PIK3C3: variants seen among roughly 807,000 people sequenced by gnomAD.
The protein encoded by PIK3C3 is phosphatidylinositol 3-kinase catalytic subunit type 3, also known as PI3-kinase type 3.
A neutral mutation model predicts 126.1 loss-of-function variants in PIK3C3; 95 were observed. That is an observed-to-expected ratio of 0.75 (90% CI 0.64 to 0.89). PIK3C3 has a LOEUF of 0.89. Ranked by LOEUF, PIK3C3 falls within the 40% of genes least tolerant of loss-of-function variation. The pLI is 0.00. For missense variants in PIK3C3, 829 were observed against 1,063.2 expected, an observed-to-expected ratio of 0.78 and a Z score of 3.06; for synonymous variants, 374 against 360.0, an observed-to-expected ratio of 1.04 and a Z score of -0.44.
chr18:41,999,326 A>G (rs1055931916), intron 9 of PIK3C3, among the ~76,000 whole-genome samples: 10 of 152,298 alleles, frequency 6.6e-5, no homozygotes, highest in East Asian at 1.9e-4. Flanking sequence ...TGCTTTTACA[A>G]TGGACTTTTT....
At position 41,996,465 on chromosome 18, in the gene PIK3C3, G is replaced by A. The variant is rs1263725782; in HGVS notation, c.892-173G>A. On this transcript the variant is annotated intron_variant, in intron 8 of 24. Coordinates refer to ENST00000262039, the MANE Select transcript of PIK3C3 (RefSeq NM_002647.4). ...TTTCTTCTCCTTTAAACTGCATTTT[G>A]GACACATAATTATAACAAATTTAAG... is the stretch of plus-strand genomic sequence containing the variant. 2.0e-5 allele frequency among the ~76,000 whole-genome samples: 3 copies of A among 151,802 alleles called. No individual in the cohort carries two copies. The East Asian group carries it at 5.8e-4, about 29-fold the overall frequency.
intron 22 of PIK3C3, among the ~76,000 whole-genome samples, chr18:42,059,282 A>G (rs1279261350): frequency 6.6e-6 from 1 of 152,224 alleles, no homozygotes; most frequent in African/African-American, 2.4e-5. Context: ...TTTGGGTGGC[A>G]GAATGGCTCA....
chr18:41,962,411 C>T (rs1025495677), intron 2 of PIK3C3, 78 bp from the exon 3 acceptor site: 2 of 1,232,160 alleles, frequency 1.6e-6, no homozygotes, highest in Non-Finnish European at 2.1e-6. Flanking sequence ...CTGGCCAAAA[C>T]TTTTTGTGTG....
chr18:41,986,526 G>C (rs1981485305), intron 4 of PIK3C3, among the ~76,000 whole-genome samples: 1 of 152,058 alleles, frequency 6.6e-6, no homozygotes, highest in Non-Finnish European at 1.5e-5. Context: ...ATTGATGTGG[G>C]TTCAGAAAGG....
chr18:42,078,419 A>G (rs974946252), intron 24 of PIK3C3, among the ~76,000 whole-genome samples: 3 of 151,478 alleles, frequency 2.0e-5, no homozygotes, highest in Admixed American at 6.6e-5. Context: ...ATTTTCAGTA[A>G]ACCATATTAT....
At chr18:42,024,696 A>C (rs554037663) in intron 13 of PIK3C3, among the ~76,000 whole-genome samples, 5 of 152,040 alleles carry the variant, frequency 3.3e-5, no homozygotes, top group Admixed American at 3.3e-4. Flanking sequence ...CGGCCTCCCA[A>C]AGTGTTGGGA....
intron 4 of PIK3C3, among the ~76,000 whole-genome samples, chr18:41,979,299 GC>G (rs1981082283): frequency 6.6e-6 from 1 of 152,144 alleles, no homozygotes; most frequent in Non-Finnish European, 1.5e-5. Flanking sequence ...GGCAGAGATT[GC>G]CTTTGTGACC....
chr18:42,084,813 G>A lies in PIK3C3; in HGVS notation c.*3676G>A, dbSNP rs1214404472. On this transcript the variant is annotated 3_prime_UTR_variant, in exon 25 of 25. Coordinates refer to ENST00000262039, the MANE Select transcript of PIK3C3 (RefSeq NM_002647.4). ...GCACATTCCCAATCCCCACTCCTGA[G>A]CAGCCAAATCAATCTGCAGGTGGGC... 1 of 152,182 alleles carries A rather than the reference G, an allele frequency of 6.6e-6. No individual in the cohort carries two copies. Among genetic ancestry groups the A allele is most frequent in the Non-Finnish European group, 1.5e-5 (1 of 68,064 alleles). 9.4% of individuals were successfully genotyped at this position (152,182 alleles called of 1,614,324 possible).
intron 9 of PIK3C3, among the ~76,000 whole-genome samples, chr18:41,998,053 A>C (rs1438190978): frequency 6.6e-6 from 1 of 152,120 alleles, no homozygotes; most frequent in Non-Finnish European, 1.5e-5. Flanking sequence ...TCTGAACCAA[A>C]TGTCCTTTCT....
intron 2 of PIK3C3, 105 bp from the exon 3 acceptor site, chr18:41,962,384 T>A (rs1568110690): frequency 4.5e-6 from 4 of 881,738 alleles, no homozygotes; most frequent in Non-Finnish European, 4.7e-6. Flanking sequence ...CTAACAACAT[T>A]TTTGGAACCT....
intron 16 of PIK3C3, 81 bp from the exon 17 acceptor site, chr18:42,037,611 A>G (rs1984113426): frequency 7.9e-7 from 1 of 1,261,418 alleles, no homozygotes; most frequent in South Asian, 1.5e-5. Context: ...TATCTTATAT[A>G]TCAACATTTT....
chr18:42,080,688 A>T (rs1349597734), intron 24 of PIK3C3, among the ~76,000 whole-genome samples: 1 of 152,106 alleles, frequency 6.6e-6, no homozygotes, highest in Non-Finnish European at 1.5e-5. Context: ...TTTCCAGACC[A>T]TTTCTGGAAT....
chr18:41,970,575 A>C, intron 4 of PIK3C3, 119 bp downstream of exon 4: 2 of 901,094 alleles, frequency 2.2e-6, no homozygotes, highest in Non-Finnish European at 3.6e-6. Flanking sequence ...ACTTTTAAAT[A>C]ATTGTTTTAT....
intron 2 of PIK3C3, among the ~76,000 whole-genome samples, chr18:41,958,689 A>G (rs1598842818): frequency 6.6e-6 from 1 of 152,046 alleles, no homozygotes; most frequent in African/African-American, 2.4e-5. Context: ...CTGTATATAT[A>G]TATGTGTGTA....
At position 42,031,486 on chromosome 18, in the gene PIK3C3, A is replaced by G. The variant is rs199586691; in HGVS notation, c.1707+2045A>G. Among the ~76,000 whole-genome samples, 6 of 152,190 alleles carry G rather than the reference A, an allele frequency of 3.9e-5. No individual in the cohort carries two copies. In the East Asian group the frequency reaches 1.2e-3, roughly 29 times the overall value. On this transcript the variant is annotated intron_variant, in intron 15 of 24. Coordinates refer to ENST00000262039, the MANE Select transcript of PIK3C3 (RefSeq NM_002647.4). ...GGCTGCAGTACCATGGTACTGTGGCATGATCTCAGCTCACTGCAGCTTCTG... is the reference window on the plus strand; with the variant it reads ...GGCTGCAGTACCATGGTACTGTGGCGTGATCTCAGCTCACTGCAGCTTCTG...
intron 16 of PIK3C3, among the ~76,000 whole-genome samples, chr18:42,037,469 G>C (rs12956007): frequency 2.6e-5 from 4 of 152,180 alleles, no homozygotes; most frequent in Admixed American, 6.5e-5. Context: ...CCACATGACT[G>C]ATTGCAGAGC....
intron 9 of PIK3C3, 77 bp from the exon 10 acceptor site, chr18:42,004,279 A>G: frequency 9.4e-7 from 1 of 1,061,682 alleles, no homozygotes. Flanking sequence ...ATTAGGACCT[A>G]GTGGAACTCT....
rs1005266471 is a variant in PIK3C3 at position 41,982,550 on chromosome 18, C to T, written c.532-5262C>T. 5.3e-5 allele frequency among the ~76,000 whole-genome samples: 8 copies of T among 152,130 alleles called. No individual in the cohort carries two copies. The South Asian group carries it at 6.2e-4, about 12-fold the overall frequency. On this transcript the variant is annotated intron_variant, in intron 4 of 24. Coordinates refer to ENST00000262039, the MANE Select transcript of PIK3C3 (RefSeq NM_002647.4). ...GGCTAATCTTTAGTGGTTTTCCCAA[C>T]GGAGCTTTCTCCACAATTAATTGTT... is the stretch of plus-strand genomic sequence containing the variant.
At chr18:42,013,068 T>C (rs1205984236) in intron 10 of PIK3C3, among the ~76,000 whole-genome samples, 1 of 151,916 alleles carries the variant, frequency 6.6e-6, no homozygotes, top group African/African-American at 2.4e-5. Flanking sequence ...AAAGGATCCT[T>C]CTATAATTTC....
Sources: allele counts gnomAD v4.1 joint callset (sites outside exome capture counted in the v4.1 genomes callset), GRCh38; gene constraint gnomAD v4.1.1; transcripts MANE v1.5; gene names NCBI Gene and HGNC (gene_info 2026-07-23, HGNC 2026-07-21).